The following EFCAB5 variants were observed in gnomAD, a reference collection of about 807,000 sequenced individuals.
EFCAB5 encodes EF-hand calcium-binding domain-containing protein 5.
EFCAB5 carries 131 observed loss-of-function variants against 167.9 expected under a neutral mutation model. The ratio of observed to expected loss-of-function variants is 0.78; its 90% CI spans 0.68 to 0.90. The LOEUF (loss-of-function observed/expected upper bound fraction) is 0.90, where lower values mean the gene tolerates loss of function less well. Among genes scored for constraint, EFCAB5 ranks in the 40% least tolerant of loss-of-function variants. The pLI, the probability that EFCAB5 is intolerant of heterozygous loss-of-function variation, is 0.00. For synonymous variants in EFCAB5, 574 were observed against 602.8 expected, an observed-to-expected ratio of 0.95 and a Z score of 0.70; for missense variants, 1,663 against 1,745.2, an observed-to-expected ratio of 0.95 and a Z score of 0.84.
chr17:30,057,671 G>A lies in EFCAB5; in HGVS notation c.2366-5G>A. On this transcript the variant is annotated splice_polypyrimidine_tract_variant and splice_region_variant and intron_variant, in intron 12 of 22. Transcript: ENST00000394835. ...TACTGCTTGGTAATGTTTCTTGCTT[G>A]ACAGATTTACACTCAATTATCAGAA... 1 of 1,607,752 alleles carries A rather than the reference G, an allele frequency of 6.2e-7. No homozygotes were observed. The highest frequency in any genetic ancestry group is 1.1e-5 in the South Asian group (1 of 90,636).
At chr17:29,980,628 C>T (rs2151606460) in intron 4 of EFCAB5, among the ~76,000 whole-genome samples, 1 of 152,218 alleles carries the variant, frequency 6.6e-6, no homozygotes, top group Non-Finnish European at 1.5e-5. Context: ...TCTCAGTGTC[C>T]TTTTCTGGCT....
chr17:30,078,265 T>C lies in EFCAB5; in HGVS notation c.2788T>C (p.Leu930=), dbSNP rs548138856. The C allele has an allele frequency of 9.9e-6, 16 of 1,613,954 alleles. No homozygotes were observed. In the African/African-American group the frequency reaches 2.1e-4, roughly 22 times the overall value. Residue 930 remains leucine, a synonymous_variant, in exon 15 of 23, where the codon TTG becomes CTG. Coordinates refer to ENST00000394835, the MANE Select transcript of EFCAB5 (RefSeq NM_198529.4). ...PKPHPGHEVR[L]SSKQFQNYIE... ...GCCACACCCTGGTCACGAAGTGAGA[T>C]TGTCTTCAAAACAATTTCAGAATTA...
chr17:30,050,471 G>C (rs1731102715), intron 8 of EFCAB5, among the ~76,000 whole-genome samples: 1 of 152,090 alleles, frequency 6.6e-6, no homozygotes, highest in Non-Finnish European at 1.5e-5. Flanking sequence ...TTGAGACAAG[G>C]TCTTGCTCTG....
At chr17:30,091,281 C>A (rs748061742) in intron 20 of EFCAB5, among the ~76,000 whole-genome samples, 1 of 152,106 alleles carries the variant, frequency 6.6e-6, no homozygotes, top group Non-Finnish European at 1.5e-5. Context: ...CTACTCTCAG[C>A]GCAATGCCAG....
chr17:29,947,090 C>G (rs560564685), intron 3 of EFCAB5, among the ~76,000 whole-genome samples: 2 of 151,338 alleles, frequency 1.3e-5, no homozygotes, highest in East Asian at 3.9e-4. Context: ...AGGAGAATTG[C>G]TTGAACCCAG....
Position 29,996,457 on chromosome 17 carries a change from T to C in EFCAB5, c.973+97T>C, listed in dbSNP as rs2068546495. 4 of 1,080,914 alleles carry C rather than the reference T, an allele frequency of 3.7e-6. No individual in the cohort carries two copies. In the South Asian group the frequency reaches 4.6e-5, roughly 12 times the overall value. 67.0% of individuals were successfully genotyped at this position (1,080,914 alleles called of 1,614,324 possible). On this transcript the variant is annotated intron_variant, in intron 6 of 22. Transcript: ENST00000394835. The stretch of plus-strand genomic sequence containing the variant: ...AAGAGTCAACATGAGACAGATGTTA[T>C]TCAAAACTCTTGCAGGGGCAATTAG...
intron 7 of EFCAB5, among the ~76,000 whole-genome samples, chr17:30,004,939 T>G (rs1406026461): frequency 6.6e-6 from 1 of 151,846 alleles, no homozygotes; most frequent in Non-Finnish European, 1.5e-5. Context: ...CTGGCCTCTG[T>G]GGGCACCTTG....
rs945117164 is a variant in EFCAB5 at position 30,073,660 on chromosome 17, G to GT, written c.2738-4549dup. On this transcript the variant is annotated intron_variant, in intron 14 of 22. Transcript: ENST00000394835. ...TTTTTGCCCGTAGGGAAAGAAGGAAGTTTTTTCCTCTTGAGACCAAATTTC... is the reference window on the plus strand; with the variant it reads ...TTTTTGCCCGTAGGGAAAGAAGGAAGTTTTTTTCCTCTTGAGACCAAATTTC... 10 of 714,060 alleles carry GT rather than the reference G, an allele frequency of 1.4e-5. No individual in the cohort carries two copies. The African/African-American group carries it at 1.8e-4, about 13-fold the overall frequency. 44.2% of individuals were successfully genotyped at this position (714,060 alleles called of 1,614,324 possible).
At chr17:30,104,891 C>T (rs1321337054) in intron 22 of EFCAB5, among the ~76,000 whole-genome samples, 1 of 152,174 alleles carries the variant, frequency 6.6e-6, no homozygotes, top group East Asian at 1.9e-4. Flanking sequence ...CCTCGCTCAC[C>T]ATCCCCGTGT....
intron 8 of EFCAB5, among the ~76,000 whole-genome samples, chr17:30,034,940 T>C (rs1009151167): frequency 2.0e-5 from 3 of 152,364 alleles, no homozygotes; most frequent in South Asian, 2.1e-4. Context: ...GGGGCCCTTA[T>C]GTGCTGAAGT....
At chr17:30,063,087 A>C (rs2070468744) in intron 14 of EFCAB5, among the ~76,000 whole-genome samples, 1 of 152,174 alleles carries the variant, frequency 6.6e-6, no homozygotes. Flanking sequence ...TGAGCTAAGG[A>C]ACTCTGCCCT....
chr17:30,019,314 A>C (rs2069118610), intron 7 of EFCAB5, among the ~76,000 whole-genome samples: 1 of 151,802 alleles, frequency 6.6e-6, no homozygotes, highest in African/African-American at 2.4e-5. Flanking sequence ...TAAAGCAAAA[A>C]TTGATTTTGA....
At chr17:30,051,610 G>A (rs1455896194) in intron 9 of EFCAB5, among the ~76,000 whole-genome samples, 1 of 152,190 alleles carries the variant, frequency 6.6e-6, no homozygotes, top group African/African-American at 2.4e-5. Flanking sequence ...AGGCTGGAGT[G>A]CAGTGGCATG....
chr17:29,997,172 G>C (rs1004901540), intron 6 of EFCAB5, among the ~76,000 whole-genome samples: 5 of 151,720 alleles, frequency 3.3e-5, no homozygotes, highest in South Asian at 2.1e-4. Flanking sequence ...TTGAACCCAG[G>C]AGGCGGAGGT....
At chr17:30,031,295 T>G (rs1180439809) in intron 7 of EFCAB5, among the ~76,000 whole-genome samples, 6 of 152,162 alleles carry the variant, frequency 3.9e-5, no homozygotes, top group African/African-American at 1.2e-4. Flanking sequence ...GAATTTCTGA[T>G]TCAGTAAATA....
At chr17:30,039,704 T>C (rs1280785364) in intron 8 of EFCAB5, among the ~76,000 whole-genome samples, 1 of 152,186 alleles carries the variant, frequency 6.6e-6, no homozygotes, top group Non-Finnish European at 1.5e-5. Flanking sequence ...CCTGCCCCAA[T>C]TGTCAATCCC....
upstream of EFCAB5, among the ~76,000 whole-genome samples, chr17:29,939,321 G>A (rs991552239): frequency 6.6e-6 from 1 of 152,198 alleles, no homozygotes; most frequent in Non-Finnish European, 1.5e-5. Context: ...CATTTATAGA[G>A]TACAGGCAGA....
At chr17:30,086,822 G>A (rs572348862) in intron 18 of EFCAB5, among the ~76,000 whole-genome samples, 110 of 152,258 alleles carry the variant, frequency 7.2e-4, no homozygotes, top group Middle Eastern at 3.4e-3. Context: ...AACCCAGGAG[G>A]CAGAGATTGT....
chr17:29,940,442 A>T (rs546223687), upstream of EFCAB5, among the ~76,000 whole-genome samples: 1 of 152,340 alleles, frequency 6.6e-6, no homozygotes, highest in South Asian at 2.1e-4. Flanking sequence ...GCCTGCATAT[A>T]GAAAGCACCT....
Sources: allele counts gnomAD v4.1 joint callset (sites outside exome capture counted in the v4.1 genomes callset), GRCh38; gene constraint gnomAD v4.1.1; transcripts MANE v1.5; gene names NCBI Gene and HGNC (gene_info 2026-07-23, HGNC 2026-07-21).